The following ADAMTS1 variants were observed in gnomAD, a reference collection of about 807,000 sequenced individuals.
ADAMTS1 encodes A disintegrin and metalloproteinase with thrombospondin motifs 1.
In ADAMTS1, 19 loss-of-function variants were observed where a neutral mutation model predicts 87.9. The ratio of observed to expected loss-of-function variants is 0.22; its 90% CI spans 0.15 to 0.32. The LOEUF is 0.32. Among genes scored for constraint, ADAMTS1 ranks in the 10% least tolerant of loss-of-function variants. ADAMTS1 has a pLI of 1.00. For missense variants in ADAMTS1, 1,240 were observed against 1,259.1 expected (o/e 0.98, Z 0.23); for synonymous variants, 542 against 501.8 (o/e 1.08, Z -1.07).
intron 1 of ADAMTS1, chr21:26,843,713 A>G (rs761895653): frequency 6.4e-5 from 32 of 499,744 alleles, no homozygotes; most frequent in Non-Finnish European, 1.2e-4. Context: ...TCTGCAGAAC[A>G]GAGATCCTAG....
rs768595836 is a variant in ADAMTS1, at chr21:26,838,207, C to T, written c.2276G>A (p.Arg759Lys). 4 of 1,614,102 alleles carry T rather than the reference C, an allele frequency of 2.5e-6. No homozygotes were observed. In the Admixed American group the frequency reaches 5.0e-5, roughly 20 times the overall value. ...AAAGCTGCCATTGTTCCTGGATCCC[C>T]TCTGGTTCCGCTGTTTCACTTCGAT... is the stretch of plus-strand genomic sequence containing the variant. ...TNIEVKQRNQ[R>K]GSRNNGSFLA... Residue 759 changes from arginine (R) to lysine (K), a missense_variant, in exon 9 of 9, where the codon AGG (arginine) becomes AAG (lysine). Arg to Lys is a conservative substitution (Grantham distance 26). Around this residue, in one of 3 missense-constraint regions of ADAMTS1, gnomAD observed 402 missense variants for 399.1 expected, o/e 1.01. Coordinates refer to ENST00000284984, the MANE Select transcript of ADAMTS1 (RefSeq NM_006988.5).
At position 26,844,442 on chromosome 21, in the gene ADAMTS1, G is replaced by A. The variant is rs1350730446; in HGVS notation, c.513C>T (p.Ala171=). The A allele has an allele frequency of 2.5e-6, 4 of 1,588,134 alleles. No homozygotes were observed. The highest frequency in any genetic ancestry group is 3.4e-6 in the Non-Finnish European group (4 of 1,167,350). Residue 171 remains alanine, a synonymous_variant, in exon 1 of 9, where the codon GCC becomes GCT. Transcript: ENST00000284984. The stretch of plus-strand genomic sequence containing the variant: ...GTGCCGGCGGCTTCTCCCCTGGGGC[G>A]GCGGTGGCGAGGCGCTCGCTGGCGG... ...LPAASERLAT[A]APGEKPPAPL... is the part of the protein sequence containing the mutation.
chr21:26,845,342 C>T lies in ADAMTS1; in HGVS notation c.-388G>A, dbSNP rs1487240504. The T allele has an allele frequency of 2.1e-5, 4 of 189,850 alleles. No individual in the cohort carries two copies. The highest frequency in any genetic ancestry group is 4.3e-5 in the Non-Finnish European group (4 of 93,692). The allele number at this position is 189,850 out of a possible 1,614,324, so 11.8% of individuals were successfully genotyped here. On this transcript the variant is annotated 5_prime_UTR_variant, in exon 1 of 9. Coordinates refer to ENST00000284984, the MANE Select transcript of ADAMTS1 (RefSeq NM_006988.5). ...TGCTCACTCTGCTCAGGGCTCTCCC[C>T]TCTCCGTCCGGTAGCGCACCCTGGC...
intron 7 of ADAMTS1, 38 bp downstream of exon 7, chr21:26,839,549 C>T (rs761041554): frequency 1.3e-6 from 2 of 1,495,316 alleles, no homozygotes; most frequent in Non-Finnish European, 1.8e-6. Context: ...AAGCCCAGGC[C>T]TTGATTTTTA....
At chr21:26,844,108 T>C in intron 1 of ADAMTS1, 117 bp downstream of exon 1, 1 of 1,326,420 alleles carries the variant, frequency 7.5e-7, no homozygotes, top group Non-Finnish European at 1.0e-6. Flanking sequence ...AGGCCTCCGT[T>C]CTGTCCGCGG....
At position 26,845,117 on chromosome 21, in the gene ADAMTS1, G is replaced by C. The variant is rs1466882718; in HGVS notation, c.-163C>G. On this transcript the variant is annotated 5_prime_UTR_variant, in exon 1 of 9. Transcript: ENST00000284984. Reference sequence around the variant, plus strand: ...GAGCCGGCTACAGCCGAAGCTCCCGGAGTCACTAAAAGGAGGCGCTGCAGT... The same window carrying C: ...GAGCCGGCTACAGCCGAAGCTCCCGCAGTCACTAAAAGGAGGCGCTGCAGT... 3 of 1,014,898 alleles carry C rather than the reference G, an allele frequency of 3.0e-6. No individual in the cohort carries two copies. The highest frequency in any genetic ancestry group is 3.9e-6 in the Non-Finnish European group (3 of 777,324). 62.9% of individuals were successfully genotyped at this position (1,014,898 alleles called of 1,614,324 possible). A position where few individuals can be genotyped will look rare whatever the true frequency, so the allele number is the denominator to read the frequency against.
In ADAMTS1 at chr21:26,844,678, T is replaced by C; in HGVS notation, c.277A>G (p.Ser93Gly). The C allele has an allele frequency of 6.3e-7, 1 of 1,596,390 alleles. No homozygotes were observed. Among genetic ancestry groups the C allele is most frequent in the South Asian group, 1.1e-5 (1 of 88,448 alleles). ...QQLDLELRPD[S>G]SFLAPGFTLQ... ...GTGAAGCCGGGCGCCAAAAAGCTGC[T>C]GTCGGGCCGCAGCTCCAGATCCAGC... Residue 93 changes from serine (S) to glycine (G), a missense_variant, in exon 1 of 9, where the codon AGC becomes GGC. This residue lies in a region of ADAMTS1 where 521 missense variants were observed against 449.7 expected (regional missense o/e 1.16). Coordinates refer to ENST00000284984, the MANE Select transcript of ADAMTS1 (RefSeq NM_006988.5).
chr21:26,842,630 G>A lies in ADAMTS1; in HGVS notation c.786C>T (p.Thr262=), dbSNP rs1002133398. 2 of 1,613,936 alleles carry A rather than the reference G, an allele frequency of 1.2e-6. No individual in the cohort carries two copies. Among genetic ancestry groups the A allele is most frequent in the Admixed American group, 1.7e-5 (1 of 60,004 alleles). Residue 262 remains threonine, a synonymous_variant, in exon 2 of 9, where the codon ACC becomes ACT. Transcript: ENST00000284984. Reference sequence around the variant, plus strand: ...CCATCGACTGGTCTGCCACAAGCATGGTTTCCACATAGCGGTGACTGGACA... The same window carrying A: ...CCATCGACTGGTCTGCCACAAGCATAGTTTCCACATAGCGGTGACTGGACA... ...RFVSSHRYVE[T]MLVADQSMAE... is the part of the protein sequence containing the mutation.
Position 26,837,434 on chromosome 21 carries a change from T to G in ADAMTS1, c.*145A>C. 1 of 685,722 alleles carries G rather than the reference T, an allele frequency of 1.5e-6. No individual in the cohort carries two copies. The highest frequency in any genetic ancestry group is 2.4e-6 in the Non-Finnish European group (1 of 409,782). 42.5% of individuals were successfully genotyped at this position (685,722 alleles called of 1,614,324 possible). On this transcript the variant is annotated 3_prime_UTR_variant, in exon 9 of 9. Transcript: ENST00000284984. Reference sequence around the variant, plus strand: ...TTTACTCTGATGATTCAACTCCTTTTCTATCTACCCCCATAATCCCACCTT... The same window carrying G: ...TTTACTCTGATGATTCAACTCCTTTGCTATCTACCCCCATAATCCCACCTT...
At position 26,844,780 on chromosome 21, in the gene ADAMTS1, C is replaced by T; in HGVS notation, c.175G>A (p.Glu59Lys). ...ALGRPSEEDE[E>K]LVVPELERAP... ...CGCTCCAGCTCCGGCACCACTAGCT[C>T]CTCGTCCTCCTCGGAGGGGCGCCCG... Residue 59 changes from glutamate (E) to lysine (K), a missense_variant, in exon 1 of 9, where the codon GAG becomes AAG. This residue lies in a region of ADAMTS1 where 521 missense variants were observed against 449.7 expected (regional missense o/e 1.16). Transcript: ENST00000284984. The T allele has an allele frequency of 6.5e-7, 1 of 1,546,526 alleles. No homozygotes were observed. Among genetic ancestry groups the T allele is most frequent in the South Asian group, 1.2e-5 (1 of 84,820 alleles).
chr21:26,845,077 T>C lies in ADAMTS1; in HGVS notation c.-123A>G, dbSNP rs1985595084. ...TAAAATTAACAATTTCTATTATTCGTTGGAAGGGCGCGCAGAGCCGGCTAC... is the reference window on the plus strand; with the variant it reads ...TAAAATTAACAATTTCTATTATTCGCTGGAAGGGCGCGCAGAGCCGGCTAC... On this transcript the variant is annotated 5_prime_UTR_variant, in exon 1 of 9. Transcript: ENST00000284984. 2.4e-6 allele frequency: 3 copies of C among 1,256,842 alleles called. No individual in the cohort carries two copies. The highest frequency in any genetic ancestry group is 2.9e-5 in the East Asian group (1 of 34,542). 77.9% of individuals were successfully genotyped at this position (1,256,842 alleles called of 1,614,324 possible).
rs754262522 is a variant in ADAMTS1 at position 26,839,779 on chromosome 21, A to G, written c.1853-17T>C. The stretch of plus-strand genomic sequence containing the variant: ...AGGTTTTTCCTGGAAAGAGAATAAT[A>G]TGATAACATTATCAGTTTCCAATCT... On this transcript the variant is annotated splice_polypyrimidine_tract_variant and intron_variant, in intron 6 of 8. Transcript: ENST00000284984. 5.6e-5 allele frequency: 90 copies of G among 1,603,972 alleles called. No homozygotes were observed. The highest frequency in any genetic ancestry group is 3.3e-4 in the Middle Eastern group (2 of 6,044).
In ADAMTS1 at chr21:26,842,459, C is replaced by T. The variant is rs368736499; in HGVS notation, c.957G>A (p.Pro319=). 1.9e-6 allele frequency: 3 copies of T among 1,614,150 alleles called. No individual in the cohort carries two copies. Among genetic ancestry groups the T allele is most frequent in the South Asian group, 1.1e-5 (1 of 91,078 alleles). Residue 319 remains proline (P), a synonymous_variant, in exon 2 of 9, where the codon CCG becomes CCA. Transcript: ENST00000284984. ...TGAGGGCAGCATTGGAGGTCACTTC[C>T]GGCCCCTTCTGTTCATCGTGGATGA... ...ILVIHDEQKG[P]EVTSNAALTL...
rs1344388262 is a variant in ADAMTS1, at chr21:26,841,021, G to A, written c.1355C>T (p.Thr452Ile). 3.1e-6 allele frequency: 5 copies of A among 1,614,168 alleles called. No homozygotes were observed. Among genetic ancestry groups the A allele is most frequent in the Non-Finnish European group, 4.2e-6 (5 of 1,180,012 alleles). The part of the protein sequence containing the change: ...PWSPCSAYMI[T>I]SFLDNGHGEC... ...ACCATGACCATTATCCAGAAATGAT[G>A]TAATCATGTAGGCACTGCAAGGAGA... The change falls in exon 4 of 9, where the codon ACA (threonine) becomes ATA (isoleucine). Residue 452 changes from threonine (T) to isoleucine (I), a missense_variant. Around this residue, in one of 3 missense-constraint regions of ADAMTS1, gnomAD observed 317 missense variants for 410.3 expected, o/e 0.77. Coordinates refer to ENST00000284984, the MANE Select transcript of ADAMTS1 (RefSeq NM_006988.5).
chr21:26,839,530 A>T, intron 7 of ADAMTS1, 57 bp downstream of exon 7: 1 of 1,424,450 alleles, frequency 7.0e-7, no homozygotes, highest in Non-Finnish European at 9.3e-7. Context: ...AATTGTTTGA[A>T]AAGGTAGCAA....
chr21:26,843,663 C>A, intron 1 of ADAMTS1: 1 of 468,888 alleles, frequency 2.1e-6, no homozygotes, highest in Admixed American at 2.3e-5. Flanking sequence ...CGCCTTCAGC[C>A]CGCCTGGGTC....
Position 26,838,189 on chromosome 21 carries a change from C to T in ADAMTS1, c.2294G>A (p.Gly765Asp), listed in dbSNP as rs1157338374. Residue 765 changes from glycine (G) to aspartate (D), a missense_variant, in exon 9 of 9, where the codon GGC (glycine) becomes GAC (aspartate). Coordinates refer to ENST00000284984, the MANE Select transcript of ADAMTS1 (RefSeq NM_006988.5). ...AGCAGCTTTGATGGCAAGAAAGCTG[C>T]CATTGTTCCTGGATCCCCTCTGGTT... is the stretch of plus-strand genomic sequence containing the variant. Reference protein sequence around the residue: ...QRNQRGSRNNGSFLAIKAADG... With the variant: ...QRNQRGSRNNDSFLAIKAADG... 1 of 1,614,114 alleles carries T rather than the reference C, an allele frequency of 6.2e-7. No individual in the cohort carries two copies. Among genetic ancestry groups the T allele is most frequent in the South Asian group, 1.1e-5 (1 of 91,082 alleles).
chr21:26,845,033 T>C lies in ADAMTS1; in HGVS notation c.-79A>G, dbSNP rs960289172. The stretch of plus-strand genomic sequence containing the variant: ...TTCGGGTCGGGAGAGCAAAGCCTCG[T>C]TGGCCTGCTCTGGATTGTTAAAATT... On this transcript the variant is annotated 5_prime_UTR_variant, in exon 1 of 9. Transcript: ENST00000284984. 6 of 1,449,692 alleles carry C rather than the reference T, an allele frequency of 4.1e-6. No homozygotes were observed. In the African/African-American group the frequency reaches 8.7e-5, roughly 21 times the overall value. The allele number at this position is 1,449,692 out of a possible 1,614,324, so 89.8% of individuals were successfully genotyped here. A position where few individuals can be genotyped will look rare whatever the true frequency, so the allele number is the denominator to read the frequency against.
rs1394473229 is a variant in ADAMTS1 at position 26,840,309 on chromosome 21, C to G, written c.1632G>C (p.Lys544Asn). 5 of 1,614,014 alleles carry G rather than the reference C, an allele frequency of 3.1e-6. No homozygotes were observed. In the African/African-American group the frequency reaches 5.3e-5, roughly 17 times the overall value. ...CGEGKWCINGKCVNKTDRKHF... is the reference protein window; with the variant it reads ...CGEGKWCINGNCVNKTDRKHF... ...GCTTTCTGTCGGTTTTGTTCACACA[C>G]TTGCCGTTGATACACCATTTCCCTT... The change falls in exon 5 of 9, where the codon AAG becomes AAC. Residue 544 changes from lysine to asparagine, a missense_variant. Around this residue, in one of 3 missense-constraint regions of ADAMTS1, gnomAD observed 317 missense variants for 410.3 expected, o/e 0.77. Transcript: ENST00000284984.
Sources: gnomAD v4.1 joint callset for allele counts on GRCh38, gnomAD v4.1.1 for gene constraint, gnomAD v4.1.1 regional missense constraint, MANE v1.5 for transcripts, NCBI Gene and HGNC (gene_info 2026-07-23, HGNC 2026-07-21) for gene names.